PCBP3: variants seen among roughly 807,000 people sequenced by gnomAD.
The protein encoded by PCBP3 is poly(rC) binding protein 3, also known as poly(rC)-binding protein 3.
PCBP3 carries 25 observed loss-of-function variants against 52.7 expected under a neutral mutation model. The observed-to-expected ratio is 0.47, with a 90% CI of 0.35 to 0.66. The LOEUF (loss-of-function observed/expected upper bound fraction) is 0.66, where lower values mean the gene tolerates loss of function less well. Ranked by LOEUF, PCBP3 falls within the 30% of genes least tolerant of loss-of-function variation. The pLI is 0.01. For synonymous variants in PCBP3, 162 were observed against 183.0 expected (o/e 0.89, Z 0.93); for missense variants, 391 against 490.3 (o/e 0.80, Z 1.91).
chr21:45,723,845 A>C (rs538731316), intron 2 of PCBP3, among the ~76,000 whole-genome samples: 8 of 152,220 alleles, frequency 5.3e-5, no homozygotes, highest in Admixed American at 6.5e-5. Flanking sequence ...AAAGAAGTTC[A>C]CCTGCTGACT....
At chr21:45,754,539 T>C (rs1217871569) in intron 3 of PCBP3, among the ~76,000 whole-genome samples, 1 of 152,224 alleles carries the variant, frequency 6.6e-6, no homozygotes, top group Non-Finnish European at 1.5e-5. Flanking sequence ...CCTGTTGATA[T>C]AGCTAGAAAA....
In PCBP3 at chr21:45,722,891, TA is replaced by T. The variant is rs35698037; in HGVS notation, c.-199-12500del. 5.3e-3 allele frequency among the ~76,000 whole-genome samples: 804 copies of T among 151,900 alleles called. 6 individuals carry two copies. The Middle Eastern group carries it at 0.054, about 10-fold the overall frequency. On this transcript the variant is annotated intron_variant, in intron 2 of 17. Coordinates refer to ENST00000681687, the MANE Select transcript of PCBP3 (RefSeq NM_001384156.1). ...AGCTGGGCGTGGTGGCGTTCACCTG[TA>T]GTCCCAAGCTGCTTGGGAGGCTGAG...
intron 2 of PCBP3, among the ~76,000 whole-genome samples, chr21:45,672,811 T>C (rs192133497): frequency 4.6e-5 from 7 of 152,304 alleles, no homozygotes; most frequent in African/African-American, 1.4e-4. Flanking sequence ...AGCAGAGGGA[T>C]AGCTTTTCCC....
intron 1 of PCBP3, among the ~76,000 whole-genome samples, chr21:45,665,957 A>T (rs572169854): frequency 6.6e-6 from 1 of 152,364 alleles, no homozygotes; most frequent in African/African-American, 2.4e-5. Context: ...GGATGCAAGG[A>T]TGGTTCAACA....
rs191863745 is a variant in PCBP3 at position 45,810,973 on chromosome 21, C to T, written c.-125-38988C>T. Among the ~76,000 whole-genome samples the T allele has an allele frequency of 2.6e-5, 4 of 152,364 alleles. No individual in the cohort carries two copies. The East Asian group carries it at 7.7e-4, about 29-fold the overall frequency. On this transcript the variant is annotated intron_variant, in intron 4 of 17. Coordinates refer to ENST00000681687, the MANE Select transcript of PCBP3 (RefSeq NM_001384156.1). ...GGTCATCATAATAATCTCACATTAT[C>T]ATTTTAATATCTACCGGATCAGTAC... is the stretch of plus-strand genomic sequence containing the variant.
In PCBP3 at chr21:45,668,886, A is replaced by G. The variant is rs988514504; in HGVS notation, c.-266A>G. ...TATTTTTTTTCAGCACATTGGAGATATATTTCCACAGCATCTGGCTTTTCT... is the reference window on the plus strand; with the variant it reads ...TATTTTTTTTCAGCACATTGGAGATGTATTTCCACAGCATCTGGCTTTTCT... On this transcript the variant is annotated 5_prime_UTR_variant, in exon 2 of 18. It adds an upstream start codon to the 5' untranslated region. Transcript: ENST00000681687. 6.6e-6 allele frequency: 1 copy of G among 152,190 alleles called. No individual in the cohort carries two copies. Among genetic ancestry groups the G allele is most frequent in the Admixed American group, 6.5e-5 (1 of 15,286 alleles). The allele number at this position is 152,190 out of a possible 1,614,324, so 9.4% of individuals were successfully genotyped here. A position where few individuals can be genotyped will look rare whatever the true frequency, so the allele number is the denominator to read the frequency against.
intron 13 of PCBP3, among the ~76,000 whole-genome samples, chr21:45,920,050 G>GT (rs938449867): frequency 3.9e-5 from 6 of 152,034 alleles, no homozygotes; most frequent in Non-Finnish European, 5.9e-5. Context: ...GGTTCCAAAG[G>GT]GGGGGTCACT....
chr21:45,850,730 A>G (rs2093962944), intron 5 of PCBP3, among the ~76,000 whole-genome samples: 1 of 152,254 alleles, frequency 6.6e-6, no homozygotes, highest in African/African-American at 2.4e-5. Context: ...TGAACTCTAC[A>G]TGTTACTTTC....
At chr21:45,884,249 T>C (rs952126558) in intron 5 of PCBP3, among the ~76,000 whole-genome samples, 3 of 152,194 alleles carry the variant, frequency 2.0e-5, no homozygotes, top group African/African-American at 7.2e-5. Flanking sequence ...TTTTTAATTT[T>C]GTTGGCTTTG....
In PCBP3 at chr21:45,840,330, G is replaced by A. The variant is rs186978631; in HGVS notation, c.-125-9631G>A. Reference sequence around the variant, plus strand: ...AAATTAGCCAGGCATGGTGGCGGGCGCCTGTAGTCCCAGCTACTCAGGAGG... The same window carrying A: ...AAATTAGCCAGGCATGGTGGCGGGCACCTGTAGTCCCAGCTACTCAGGAGG... On this transcript the variant is annotated intron_variant, in intron 4 of 17. Transcript: ENST00000681687. Among the ~76,000 whole-genome samples, 37 of 151,604 alleles carry A rather than the reference G, an allele frequency of 2.4e-4. 1 individual carries two copies. In the East Asian group the frequency reaches 5.7e-3, roughly 23 times the overall value.
intron 4 of PCBP3, among the ~76,000 whole-genome samples, chr21:45,824,511 T>C (rs897998964): frequency 6.6e-6 from 1 of 152,208 alleles, no homozygotes; most frequent in Non-Finnish European, 1.5e-5. Flanking sequence ...CCCGTTGGGA[T>C]TGCTTTATCC....
chr21:45,899,096 G>A (rs2095949280), intron 6 of PCBP3, among the ~76,000 whole-genome samples: 1 of 152,246 alleles, frequency 6.6e-6, no homozygotes. Context: ...GGGAACGTGT[G>A]TCCCGAAACT....
intron 1 of PCBP3, among the ~76,000 whole-genome samples, chr21:45,655,789 C>G (rs2087457476): frequency 6.6e-6 from 1 of 151,812 alleles, no homozygotes; most frequent in African/African-American, 2.4e-5. Context: ...CCAGAGCCTA[C>G]AAAGTACTTA....
At chr21:45,848,381 A>G (rs543440418) in intron 4 of PCBP3, 37 of 152,326 alleles carry the variant, frequency 2.4e-4, no homozygotes, top group African/African-American at 7.5e-4. Context: ...AATGGAGAGG[A>G]TGCATATGAA....
intron 2 of PCBP3, among the ~76,000 whole-genome samples, chr21:45,734,854 T>A (rs2085739318): frequency 6.6e-6 from 1 of 152,232 alleles, no homozygotes; most frequent in Non-Finnish European, 1.5e-5. Context: ...CTTTCTTATG[T>A]TTCTGTAGTC....
intron 4 of PCBP3, among the ~76,000 whole-genome samples, chr21:45,782,362 A>G (rs943371736): frequency 6.6e-6 from 1 of 152,242 alleles, no homozygotes; most frequent in Non-Finnish European, 1.5e-5. Context: ...AATAAGAATC[A>G]AATGGACATT....
chr21:45,780,200 C>T (rs1016263017), intron 4 of PCBP3, among the ~76,000 whole-genome samples: 8 of 152,174 alleles, frequency 5.3e-5, no homozygotes, highest in African/African-American at 9.7e-5. Flanking sequence ...TGTGATCTTG[C>T]GTGAGGCAAT....
rs2145905844 is a variant in PCBP3, at chr21:45,737,547, CGT to C, written c.-162+2120_-162+2121del. On this transcript the variant is annotated intron_variant, in intron 3 of 17. Coordinates refer to ENST00000681687, the MANE Select transcript of PCBP3 (RefSeq NM_001384156.1). The surrounding 1 kb of genome is among the most constrained non-coding windows in gnomAD (Gnocchi z 4.9). ...GCCTACAGTTCTGGAAATAAACCAG[CGT>C]GCTGGGGTGGGGCGAGCCCGACCAT... 6.6e-6 allele frequency among the ~76,000 whole-genome samples: 1 copy of C among 152,310 alleles called. No individual in the cohort carries two copies. Among genetic ancestry groups the C allele is most frequent in the East Asian group, 1.9e-4 (1 of 5,170 alleles).
intron 15 of PCBP3, among the ~76,000 whole-genome samples, chr21:45,931,315 C>T (rs939504902): frequency 2.6e-5 from 4 of 152,176 alleles, no homozygotes; most frequent in Non-Finnish European, 5.9e-5. Context: ...CCTAGGTGCC[C>T]GTGAAGAAGA....
Sources: allele counts gnomAD v4.1 joint callset (sites outside exome capture counted in the v4.1 genomes callset), GRCh38; gene constraint gnomAD v4.1.1; non-coding constraint Gnocchi (gnomAD v3.1); transcripts MANE v1.5; gene names NCBI Gene and HGNC (gene_info 2026-07-23, HGNC 2026-07-21).